Variants in FAM181B observed in about 807,000 individuals in gnomAD.
The protein encoded by FAM181B is protein FAM181B.
In FAM181B, 13 loss-of-function variants were observed where a neutral mutation model predicts 17.8. The observed-to-expected ratio is 0.73, with a 90% CI of 0.48 to 1.16. The LOEUF (loss-of-function observed/expected upper bound fraction) is 1.16, where lower values mean the gene tolerates loss of function less well. Among genes scored for constraint, FAM181B ranks in the 50% most tolerant of loss-of-function variants. The pLI is 0.00. For synonymous variants in FAM181B, 338 were observed against 316.5 expected, an observed-to-expected ratio of 1.07 and a Z score of -0.72; for missense variants, 725 against 634.1, an observed-to-expected ratio of 1.14 and a Z score of -1.54.
rs748995091 is a variant in FAM181B at position 82,732,916 on chromosome 11, A to G, written c.814T>C (p.Tyr272His). ...ACTGCCGCCTCCGTGCCGGCGCCGT[A>G]GTCGGGCCCCAGCAGCTCAAAGAAC... ...VEFFELLGPD[Y>H]GAGTEAAVLL... The change falls in exon 1 of 1, where the codon TAC becomes CAC. Residue 272 changes from tyrosine (Y) to histidine (H), a missense_variant. By Grantham distance (83) the Tyr-to-His change is moderately conservative (BLOSUM62 2). Transcript: ENST00000329203. 9 of 1,562,708 alleles carry G rather than the reference A, an allele frequency of 5.8e-6. No individual in the cohort carries two copies. The African/African-American group carries it at 1.1e-4, about 19-fold the overall frequency.
In FAM181B at chr11:82,730,744, C is replaced by G. The variant is rs984910905; in HGVS notation, c.*1705G>C. 4.6e-5 allele frequency: 7 copies of G among 152,204 alleles called. No homozygotes were observed. The highest frequency in any genetic ancestry group is 7.3e-5 in the Non-Finnish European group (5 of 68,044). The allele number at this position is 152,204 out of a possible 1,614,324, so 9.4% of individuals were successfully genotyped here. On this transcript the variant is annotated 3_prime_UTR_variant, in exon 1 of 1. Coordinates refer to ENST00000329203, the MANE Select transcript of FAM181B (RefSeq NM_175885.4). ...AAGTTGCATCTACCATTGGTTAATACTCATTTTTTCCAGAAATTCTTTTAT... is the reference window on the plus strand; with the variant it reads ...AAGTTGCATCTACCATTGGTTAATAGTCATTTTTTCCAGAAATTCTTTTAT...
chr11:82,732,466 C>G lies in FAM181B; in HGVS notation c.1264G>C (p.Gly422Arg). 1 of 1,612,978 alleles carries G rather than the reference C, an allele frequency of 6.2e-7. No homozygotes were observed. Among genetic ancestry groups the G allele is most frequent in the Non-Finnish European group, 8.5e-7 (1 of 1,179,932 alleles). Reference sequence around the variant, plus strand: ...CCTCGAAGTCAGTCCCGGTGCGCCCCCTCCTCCCCCGGCGCCCCTTCCCAA... The same window carrying G: ...CCTCGAAGTCAGTCCCGGTGCGCCCGCTCCTCCCCCGGCGCCCCTTCCCAA... ...GVWEGAPGEE[G>R]AHRD The change falls in exon 1 of 1, where the codon GGG becomes CGG. Residue 422 changes from glycine (G) to arginine (R), a missense_variant. Gly to Arg is a moderately radical substitution (Grantham distance 125). Coordinates refer to ENST00000329203, the MANE Select transcript of FAM181B (RefSeq NM_175885.4).
At position 82,733,768 on chromosome 11, in the gene FAM181B, GC is replaced by G. The variant is rs1857174786; in HGVS notation, c.-40del. 1.6e-6 allele frequency: 2 copies of G among 1,287,750 alleles called. No individual in the cohort carries two copies. Among genetic ancestry groups the G allele is most frequent in the Non-Finnish European group, 2.0e-6 (2 of 1,017,514 alleles). 79.8% of individuals were successfully genotyped at this position (1,287,750 alleles called of 1,614,324 possible). A position where few individuals can be genotyped will look rare whatever the true frequency, so the allele number is the denominator to read the frequency against. On this transcript the variant is annotated 5_prime_UTR_variant, in exon 1 of 1. Transcript: ENST00000329203. Reference sequence around the variant, plus strand: ...GGGCTGTCCGCAGCGCTGCCCGTGCGCCCCCGCCAGCTCCTGCCCGCCGCCC... The same window carrying G: ...GGGCTGTCCGCAGCGCTGCCCGTGCGCCCCGCCAGCTCCTGCCCGCCGCCC...
At position 82,733,636 on chromosome 11, in the gene FAM181B, G is replaced by C; in HGVS notation, c.94C>G (p.Leu32Val). 6.3e-7 allele frequency: 1 copy of C among 1,595,884 alleles called. No homozygotes were observed. Among genetic ancestry groups the C allele is most frequent in the South Asian group, 1.1e-5 (1 of 89,254 alleles). Residue 32 changes from leucine (L) to valine (V), a missense_variant, in exon 1 of 1, where the codon CTG becomes GTG. By Grantham distance (32) the Leu-to-Val change is conservative. Transcript: ENST00000329203. ...PDGLGGAFGA[L>V]DKGCCFEDDE... is the part of the protein sequence containing the mutation. ...TCCTCGAAACAGCAGCCCTTGTCCAGGGCTCCGAAGGCGCCCCCTAGCCCG... is the reference window on the plus strand; with the variant it reads ...TCCTCGAAACAGCAGCCCTTGTCCACGGCTCCGAAGGCGCCCCCTAGCCCG...
chr11:82,733,436 C>T lies in FAM181B; in HGVS notation c.294G>A (p.Gln98=). 2 of 1,584,126 alleles carry T rather than the reference C, an allele frequency of 1.3e-6. No homozygotes were observed. The highest frequency in any genetic ancestry group is 1.7e-6 in the Non-Finnish European group (2 of 1,165,348). ...KRKVNHRKYL[Q]KQIKRCSGLM... is the part of the protein sequence containing the mutation. ...GGCCGCTGCAGCGCTTGATCTGCTT[C>T]TGCAGGTACTTGCGGTGGTTCACCT... Residue 98 remains glutamine, a synonymous_variant, in exon 1 of 1, where the codon CAG becomes CAA. Coordinates refer to ENST00000329203, the MANE Select transcript of FAM181B (RefSeq NM_175885.4).
At position 82,732,779 on chromosome 11, in the gene FAM181B, G is replaced by A. The variant is rs1857150810; in HGVS notation, c.951C>T (p.Asn317=). The change falls in exon 1 of 1, where the codon AAC becomes AAT. Residue 317 remains asparagine (N), a synonymous_variant. Transcript: ENST00000329203. ...CGCTCCAGGGCTCGGGGTACAGTAG[G>A]TTTCCCACCACTGCCGGCGGCGGCT... The part of the protein sequence containing the change: ...LFEPPPAVVG[N]LLYPEPWSVP... 3 of 1,490,760 alleles carry A rather than the reference G, an allele frequency of 2.0e-6. No individual in the cohort carries two copies. The highest frequency in any genetic ancestry group is 2.3e-5 in the Admixed American group (1 of 43,356). The allele number at this position is 1,490,760 out of a possible 1,614,324, so 92.3% of individuals were successfully genotyped here.
chr11:82,732,631 G>T lies in FAM181B; in HGVS notation c.1099C>A (p.Arg367=). The change falls in exon 1 of 1, where the codon CGG becomes AGG. Residue 367 remains arginine (R), a synonymous_variant. Transcript: ENST00000329203. ...GGGGCGAAAGAGGCCAAATGGCCCC[G>T]CCCGTCCTCCCCGCCGGGAGAATCC... The part of the protein sequence containing the change: ...AADSPGGEDG[R]GHLASFAPFF... 1 of 1,521,492 alleles carries T rather than the reference G, an allele frequency of 6.6e-7. No individual in the cohort carries two copies. The highest frequency in any genetic ancestry group is 8.8e-7 in the Non-Finnish European group (1 of 1,132,856). The allele number at this position is 1,521,492 out of a possible 1,614,324, so 94.2% of individuals were successfully genotyped here.
At position 82,730,367 on chromosome 11, in the gene FAM181B, G is replaced by C. The variant is rs1857115205; in HGVS notation, c.*2082C>G. ...ACGTATAGCAAGCAAAACAGTAGGAGAGAGATAACCTGTTTTACTACACTA... is the reference window on the plus strand; with the variant it reads ...ACGTATAGCAAGCAAAACAGTAGGACAGAGATAACCTGTTTTACTACACTA... On this transcript the variant is annotated 3_prime_UTR_variant, in exon 1 of 1. Transcript: ENST00000329203. The C allele has an allele frequency of 6.6e-6, 1 of 152,204 alleles. No homozygotes were observed. The allele number at this position is 152,204 out of a possible 1,614,324, so 9.4% of individuals were successfully genotyped here.
Position 82,733,685 on chromosome 11 carries a change from G to A in FAM181B, c.45C>T (p.Pro15=), listed in dbSNP as rs1438128136. The change falls in exon 1 of 1, where the codon CCC becomes CCT. Residue 15 remains proline (P), a synonymous_variant. Coordinates refer to ENST00000329203, the MANE Select transcript of FAM181B (RefSeq NM_175885.4). ...CGTCCGGGGAGCCCCCGAAGCCGAA[G>A]GGCACGAAAGGGTGCGTGCTGAGGA... ...AALLSTHPFV[P]FGFGGSPDGL... 14 of 1,526,864 alleles carry A rather than the reference G, an allele frequency of 9.2e-6. No homozygotes were observed. The highest frequency in any genetic ancestry group is 1.2e-5 in the Non-Finnish European group (14 of 1,140,952). 94.6% of individuals were successfully genotyped at this position (1,526,864 alleles called of 1,614,324 possible).
In FAM181B at chr11:82,732,535, A is replaced by G. The variant is rs1398827692; in HGVS notation, c.1195T>C (p.Tyr399His). 1.2e-6 allele frequency: 2 copies of G among 1,612,140 alleles called. No individual in the cohort carries two copies. Among genetic ancestry groups the G allele is most frequent in the Non-Finnish European group, 1.7e-6 (2 of 1,179,754 alleles). ...AGGCTGGAATAGGCGGTGCGGCTGTAGCCCGCGCTGTAATCGTAGGACACC... is the reference window on the plus strand; with the variant it reads ...AGGCTGGAATAGGCGGTGCGGCTGTGGCCCGCGCTGTAATCGTAGGACACC... ...HQVSYDYSAG[Y>H]SRTAYSSLWR... The change falls in exon 1 of 1, where the codon TAC (tyrosine) becomes CAC (histidine). Residue 399 changes from tyrosine (Y) to histidine (H), a missense_variant. By Grantham distance (83) the Tyr-to-His change is moderately conservative. Coordinates refer to ENST00000329203, the MANE Select transcript of FAM181B (RefSeq NM_175885.4).
rs962149616 is a variant in FAM181B, at chr11:82,730,587, GAAATCCA to G, written c.*1855_*1861del. The G allele has an allele frequency of 6.6e-6, 1 of 152,200 alleles. No homozygotes were observed. Among genetic ancestry groups the G allele is most frequent in the Non-Finnish European group, 1.5e-5 (1 of 68,038 alleles). The allele number at this position is 152,200 out of a possible 1,614,324, so 9.4% of individuals were successfully genotyped here. On this transcript the variant is annotated 3_prime_UTR_variant, in exon 1 of 1. Transcript: ENST00000329203. Reference sequence around the variant, plus strand: ...TTAATCACCTTTAACCACTTTGGAAGAAATCCAATAGACATTAGCTTTCTGGAGTTGC... The same window carrying G: ...TTAATCACCTTTAACCACTTTGGAAGATAGACATTAGCTTTCTGGAGTTGC...
chr11:82,733,379 G>C lies in FAM181B; in HGVS notation c.351C>G (p.Ser117=). 1 of 1,436,864 alleles carries C rather than the reference G, an allele frequency of 7.0e-7. No individual in the cohort carries two copies. Among genetic ancestry groups the C allele is most frequent in the Non-Finnish European group, 9.2e-7 (1 of 1,091,912 alleles). The allele number at this position is 1,436,864 out of a possible 1,614,324, so 89.0% of individuals were successfully genotyped here. A position where few individuals can be genotyped will look rare whatever the true frequency, so the allele number is the denominator to read the frequency against. ...TGGCTGGCGTGTCGGCGGCGCTCGG[G>C]GAGGGCGGGCCGGGGGGCGCGGCGC... is the stretch of plus-strand genomic sequence containing the variant. ...LMGAAPPGPP[S]PSAADTPAKR... The change falls in exon 1 of 1, where the codon TCC becomes TCG. Residue 117 remains serine, a synonymous_variant. Transcript: ENST00000329203.
Position 82,733,558 on chromosome 11 carries a change from C to T in FAM181B, c.172G>A (p.Asp58Asn), listed in dbSNP as rs1857169122. 1.9e-6 allele frequency: 3 copies of T among 1,602,000 alleles called. No homozygotes were observed. The highest frequency in any genetic ancestry group is 1.4e-5 in the African/African-American group (1 of 73,636). The change falls in exon 1 of 1, where the codon GAC becomes AAC. Residue 58 changes from aspartate (D) to asparagine (N), a missense_variant. Coordinates refer to ENST00000329203, the MANE Select transcript of FAM181B (RefSeq NM_175885.4). ...AGATCGCGGGTGGCCTCGCGCACGTCCCCTCCTTCGGCTCCCGACAGCAGC... is the reference window on the plus strand; with the variant it reads ...AGATCGCGGGTGGCCTCGCGCACGTTCCCTCCTTCGGCTCCCGACAGCAGC... ...GALLSGAEGG[D>N]VREATRDLLS... is the part of the protein sequence containing the mutation.
rs1156522063 is a variant in FAM181B at position 82,730,948 on chromosome 11, G to A, written c.*1501C>T. 6.6e-6 allele frequency: 1 copy of A among 152,252 alleles called. No homozygotes were observed. Among genetic ancestry groups the A allele is most frequent in the Non-Finnish European group, 1.5e-5 (1 of 68,112 alleles). 9.4% of individuals were successfully genotyped at this position (152,252 alleles called of 1,614,324 possible). On this transcript the variant is annotated 3_prime_UTR_variant, in exon 1 of 1. Transcript: ENST00000329203. ...TCAGAAGGCAGCCTCTCACTCAGAT[G>A]TTCTGGGCGTTGCTCTCTTCATGCC...
Position 82,732,839 on chromosome 11 carries a change from C to T in FAM181B, c.891G>A (p.Leu297=), listed in dbSNP as rs755025873. ...LDVFPAGASV[L]RGPPELEPGL... ...CGGGCTCCAGCTCCGGGGGTCCCCG[C>T]AGTACGGAGGCTCCGGCGGGGAACA... The change falls in exon 1 of 1, where the codon CTG becomes CTA. Residue 297 remains leucine, a synonymous_variant. Transcript: ENST00000329203. 3.8e-5 allele frequency: 58 copies of T among 1,535,218 alleles called. No individual in the cohort carries two copies. Among genetic ancestry groups the T allele is most frequent in the Middle Eastern group, 1.7e-4 (1 of 5,916 alleles).
rs770655490 is a variant in FAM181B at position 82,731,388 on chromosome 11, C to T, written c.*1061G>A. 5 of 152,230 alleles carry T rather than the reference C, an allele frequency of 3.3e-5. No individual in the cohort carries two copies. Among genetic ancestry groups the T allele is most frequent in the Non-Finnish European group, 7.3e-5 (5 of 68,088 alleles). 9.4% of individuals were successfully genotyped at this position (152,230 alleles called of 1,614,324 possible). On this transcript the variant is annotated 3_prime_UTR_variant, in exon 1 of 1. Transcript: ENST00000329203. Reference sequence around the variant, plus strand: ...CAGCTTGTAAGGGAAAGGGCAATCACCAGGCAAGTAGATAGCCCCCCGCCA... The same window carrying T: ...CAGCTTGTAAGGGAAAGGGCAATCATCAGGCAAGTAGATAGCCCCCCGCCA...
Position 82,732,795 on chromosome 11 carries a change from G to C in FAM181B, c.935C>G (p.Pro312Arg). 2.0e-6 allele frequency: 3 copies of C among 1,499,094 alleles called. No homozygotes were observed. Among genetic ancestry groups the C allele is most frequent in the Non-Finnish European group, 2.7e-6 (3 of 1,123,560 alleles). 92.9% of individuals were successfully genotyped at this position (1,499,094 alleles called of 1,614,324 possible). ...ELEPGLFEPP[P>R]AVVGNLLYPE... ...GTACAGTAGGTTTCCCACCACTGCC[G>C]GCGGCGGCTCAAAGAGGCCGGGCTC... is the stretch of plus-strand genomic sequence containing the variant. The change falls in exon 1 of 1, where the codon CCG (proline) becomes CGG (arginine). Residue 312 changes from proline to arginine, a missense_variant. Physicochemically the swap from Pro to Arg is moderately radical, Grantham distance 103. Transcript: ENST00000329203.
Position 82,732,878 on chromosome 11 carries a change from G to T in FAM181B, c.852C>A (p.Ala284=), listed in dbSNP as rs752940344. 2.9e-5 allele frequency: 45 copies of T among 1,536,606 alleles called. No individual in the cohort carries two copies. The East Asian group carries it at 6.2e-4, about 21-fold the overall frequency. The part of the protein sequence containing the change: ...AGTEAAVLLA[A]EPLDVFPAGA... ...CGGCGGGGAACACGTCGAGAGGCTCGGCGGCAAGCAAGACTGCCGCCTCCG... is the reference window on the plus strand; with the variant it reads ...CGGCGGGGAACACGTCGAGAGGCTCTGCGGCAAGCAAGACTGCCGCCTCCG... Residue 284 remains alanine, a synonymous_variant, in exon 1 of 1, where the codon GCC becomes GCA. Coordinates refer to ENST00000329203, the MANE Select transcript of FAM181B (RefSeq NM_175885.4).
In FAM181B at chr11:82,732,783, C is replaced by G. The variant is rs1211633318; in HGVS notation, c.947G>C (p.Gly316Ala). Reference sequence around the variant, plus strand: ...CCAGGGCTCGGGGTACAGTAGGTTTCCCACCACTGCCGGCGGCGGCTCAAA... The same window carrying G: ...CCAGGGCTCGGGGTACAGTAGGTTTGCCACCACTGCCGGCGGCGGCTCAAA... ...GLFEPPPAVV[G>A]NLLYPEPWSV... Residue 316 changes from glycine to alanine, a missense_variant, in exon 1 of 1, where the codon GGA (glycine) becomes GCA (alanine). Transcript: ENST00000329203. 5 of 1,491,380 alleles carry G rather than the reference C, an allele frequency of 3.4e-6. No individual in the cohort carries two copies. The highest frequency in any genetic ancestry group is 1.4e-5 in the African/African-American group (1 of 69,994). 92.4% of individuals were successfully genotyped at this position (1,491,380 alleles called of 1,614,324 possible).
Sources: allele counts gnomAD v4.1 joint callset, GRCh38; gene constraint gnomAD v4.1.1; transcripts MANE v1.5; gene names NCBI Gene and HGNC (gene_info 2026-07-23, HGNC 2026-07-21).